The following KMT2C variants were observed in gnomAD, a reference collection of about 807,000 sequenced individuals.
KMT2C encodes the protein histone-lysine N-methyltransferase 2C.
A neutral mutation model predicts 507.9 loss-of-function variants in KMT2C; 88 were observed. The observed-to-expected ratio is 0.17, with a 90% confidence interval of 0.15 to 0.21. The LOEUF is 0.21. Ranked by LOEUF, KMT2C falls within the 10% of genes least tolerant of loss-of-function variation. The probability of loss-of-function intolerance (pLI) is 1.00; values close to 1 mark genes in which losing one functional copy is unlikely to be tolerated. For missense variants in KMT2C, 4,954 were observed against 5,957.8 expected, an observed-to-expected ratio of 0.83 and a Z score of 5.55; for synonymous variants, 2,049 against 2,080.8, an observed-to-expected ratio of 0.98 and a Z score of 0.42.
chr7:152,265,956 G>A (rs1467881617), intron 7 of KMT2C, among the ~76,000 whole-genome samples: 1 of 152,044 alleles, frequency 6.6e-6, no homozygotes, highest in East Asian at 2.0e-4. Flanking sequence ...AAAATATAAG[G>A]ATAAACTGCC....
chr7:152,147,402 T>C (rs7779859), intron 52 of KMT2C, among the ~76,000 whole-genome samples: 22,726 of 151,962 alleles, frequency 0.15, 4,272 homozygotes, highest in African/African-American at 0.44. Context: ...AGGGGGTCCC[T>C]GCCAGGTACG....
At chr7:152,395,940 C>T (rs951296245) in intron 1 of KMT2C, among the ~76,000 whole-genome samples, 1 of 152,232 alleles carries the variant, frequency 6.6e-6, no homozygotes, top group Non-Finnish European at 1.5e-5. Context: ...AGTGCTTCCT[C>T]TTGTGCTGGC....
chr7:152,257,010 C>T (rs1215778328), intron 9 of KMT2C, among the ~76,000 whole-genome samples: 2 of 152,170 alleles, frequency 1.3e-5, no homozygotes, highest in Non-Finnish European at 2.9e-5. Flanking sequence ...TAGGAATTTA[C>T]CCTACAGATT....
At chr7:152,339,976 A>G (rs2096975708) in intron 2 of KMT2C, among the ~76,000 whole-genome samples, 1 of 151,854 alleles carries the variant, frequency 6.6e-6, no homozygotes, top group Non-Finnish European at 1.5e-5. Flanking sequence ...TTCTCCCTCT[A>G]TGCTTTAATC....
At chr7:152,179,637 T>A (rs1462347425) in intron 37 of KMT2C, among the ~76,000 whole-genome samples, 197 bp downstream of exon 37, 3 of 132,604 alleles carry the variant, frequency 2.3e-5, no homozygotes, top group South Asian at 5.4e-4. Flanking sequence ...TTTTAAAAAA[T>A]TTTTAAATTT....
chr7:152,255,157 A>AAATATATAGATATG, intron 9 of KMT2C, among the ~76,000 whole-genome samples: 1 of 128,382 alleles, frequency 7.8e-6, no homozygotes, highest in African/African-American at 3.0e-5. Flanking sequence ...ATATATATAT[A>AAATATATAGATATG]TGTGTGTGTG....
intron 31 of KMT2C, among the ~76,000 whole-genome samples, chr7:152,192,874 T>A (rs534402135): frequency 1.4e-4 from 21 of 152,030 alleles, no homozygotes; most frequent in Non-Finnish European, 1.5e-5. Flanking sequence ...TATGCTCAAA[T>A]CATCAGAAAT....
chr7:152,159,213 A>G, intron 43 of KMT2C, 141 bp from the exon 44 acceptor site: 1 of 689,794 alleles, frequency 1.4e-6, no homozygotes, highest in Non-Finnish European at 2.5e-6. Flanking sequence ...AGTGGTGTCA[A>G]TGCTGGTTTT....
rs375171464 is a variant in KMT2C at position 152,148,580 on chromosome 7, A to G, written c.13347T>C (p.Asn4449=). 31 of 1,614,078 alleles carry G rather than the reference A, an allele frequency of 1.9e-5. No individual in the cohort carries two copies. The highest frequency in any genetic ancestry group is 1.6e-4 in the Middle Eastern group (1 of 6,084). The change falls in exon 52 of 59, where the codon AAT becomes AAC. Residue 4449 remains asparagine (N), a synonymous_variant. Transcript: ENST00000262189. This position sits in a 1 kb window ranked among gnomAD's most constrained non-coding sequence, Gnocchi z 7.1. ...GGCCTCTCCTCAGAGCTAGCTCCAC[A>G]TTTATTAAGGCACCAGCCTGAGTCT... is the stretch of plus-strand genomic sequence containing the variant. ...VYETQAGALI[N]VELALRRGLQ...
intron 23 of KMT2C, among the ~76,000 whole-genome samples, chr7:152,211,486 A>G (rs181726009): frequency 6.6e-6 from 1 of 152,364 alleles, no homozygotes; most frequent in East Asian, 1.9e-4. Context: ...CAAGTTAATC[A>G]TATGTAATGG....
chr7:152,388,981 C>G (rs1193789110), intron 1 of KMT2C, among the ~76,000 whole-genome samples: 3 of 152,180 alleles, frequency 2.0e-5, no homozygotes, highest in African/African-American at 7.2e-5. Flanking sequence ...CTCCCAACCT[C>G]AGGTTATCCG....
intron 31 of KMT2C, among the ~76,000 whole-genome samples, chr7:152,191,027 A>G (rs2093775949): frequency 1.3e-5 from 2 of 152,210 alleles, no homozygotes; most frequent in African/African-American, 2.4e-5. Flanking sequence ...AGAAACATGT[A>G]ATTGCACACC....
At chr7:152,265,641 A>AT (rs2095848160) in intron 7 of KMT2C, among the ~76,000 whole-genome samples, 2 of 152,284 alleles carry the variant, frequency 1.3e-5, no homozygotes, top group African/African-American at 4.8e-5. Context: ...ACAAAATCAG[A>AT]TAAGAGACAA....
chr7:152,303,641 G>C (rs1165160648), intron 6 of KMT2C, among the ~76,000 whole-genome samples: 2 of 151,756 alleles, frequency 1.3e-5, no homozygotes, highest in African/African-American at 4.9e-5. Context: ...CACAAATGCA[G>C]ACAGAATAAA....
At chr7:152,244,046 A>G (rs2095429846) in intron 14 of KMT2C, among the ~76,000 whole-genome samples, 1 of 152,238 alleles carries the variant, frequency 6.6e-6, no homozygotes, top group African/African-American at 2.4e-5. Flanking sequence ...CTGTGCAATG[A>G]GAGAAATGGA....
chr7:152,332,903 G>A (rs931437176), intron 2 of KMT2C, among the ~76,000 whole-genome samples: 2 of 136,856 alleles, frequency 1.5e-5, no homozygotes, highest in Admixed American at 7.3e-5. Flanking sequence ...AATTATTCTC[G>A]TCAACACCAC....
intron 26 of KMT2C, among the ~76,000 whole-genome samples, chr7:152,202,299 C>T (rs959122381): frequency 6.6e-6 from 1 of 152,196 alleles, no homozygotes; most frequent in Non-Finnish European, 1.5e-5. Flanking sequence ...GATATTTAAT[C>T]TCAGTACAAT....
At chr7:152,388,096 CAAAA>C (rs1420870517) in intron 1 of KMT2C, among the ~76,000 whole-genome samples, 1 of 119,076 alleles carries the variant, frequency 8.4e-6, no homozygotes, top group African/African-American at 3.0e-5. Context: ...GTAACCTCTT[CAAAA>C]AAAAAAAATA....
At chr7:152,198,197 T>C (rs894219048) in intron 27 of KMT2C, among the ~76,000 whole-genome samples, 3 of 152,202 alleles carry the variant, frequency 2.0e-5, no homozygotes, top group Admixed American at 1.3e-4. Context: ...GTAAAAAATA[T>C]GTAAGATTGA....
Sources: gnomAD v4.1 joint callset for allele counts (sites outside exome capture counted in the v4.1 genomes callset) on GRCh38, gnomAD v4.1.1 for gene constraint, Gnocchi (gnomAD v3.1) non-coding constraint, MANE v1.5 for transcripts, NCBI Gene and HGNC (gene_info 2026-07-23, HGNC 2026-07-21) for gene names.